Variants in MUSK observed in about 807,000 individuals in gnomAD.
MUSK encodes the protein muscle associated receptor tyrosine kinase.
A neutral mutation model predicts 88.7 loss-of-function variants in MUSK; 55 were observed. That is an observed-to-expected ratio of 0.62 (90% CI 0.50 to 0.78). MUSK has a LOEUF of 0.78. Ranked by LOEUF, MUSK falls within the 30% of genes least tolerant of loss-of-function variation. MUSK has a pLI of 0.00. For synonymous variants in MUSK, 387 were observed against 391.9 expected, an observed-to-expected ratio of 0.99 and a Z score of 0.15; for missense variants, 1,015 against 1,074.3, an observed-to-expected ratio of 0.94 and a Z score of 0.77.
At chr9:110,734,172 A>C in intron 5 of MUSK, 79 bp from the exon 6 acceptor site, 1 of 1,467,056 alleles carries the variant, frequency 6.8e-7, no homozygotes, top group South Asian at 1.3e-5. Context: ...AACATGGTCT[A>C]ATTTGCATTT....
chr9:110,687,026 C>T, intron 2 of MUSK, 91 bp from the exon 3 acceptor site: 3 of 1,295,572 alleles, frequency 2.3e-6, no homozygotes, highest in Non-Finnish European at 2.2e-6. Context: ...ATTCTACTTC[C>T]TCATTAACAA....
chr9:110,737,383 CT>C (rs2077043512), intron 6 of MUSK, among the ~76,000 whole-genome samples: 1 of 151,868 alleles, frequency 6.6e-6, no homozygotes, highest in Non-Finnish European at 1.5e-5. Context: ...ATTACATCCT[CT>C]TTTTGATGTC....
At chr9:110,778,066 G>A (rs988180203) in intron 11 of MUSK, among the ~76,000 whole-genome samples, 5 of 152,050 alleles carry the variant, frequency 3.3e-5, no homozygotes, top group African/African-American at 1.2e-4. Context: ...AAGACCTTAA[G>A]TATTTTCCAA....
chr9:110,787,976 C>T, intron 14 of MUSK, 138 bp downstream of exon 14: 1 of 958,950 alleles, frequency 1.0e-6, no homozygotes, highest in South Asian at 1.4e-5. Flanking sequence ...AGCTTCTTCA[C>T]CTTGGTCTAT....
intron 9 of MUSK, 39 bp from the exon 10 acceptor site, chr9:110,775,749 A>G: frequency 6.3e-7 from 1 of 1,588,652 alleles, no homozygotes; most frequent in Non-Finnish European, 8.6e-7. Flanking sequence ...TTTAACATGT[A>G]ATGATTCATC....
At chr9:110,687,021 A>C (rs2076204503) in intron 2 of MUSK, 96 bp from the exon 3 acceptor site, 3 of 1,227,948 alleles carry the variant, frequency 2.4e-6, no homozygotes, top group East Asian at 4.7e-5. Context: ...CCTTTATTCT[A>C]CTTCCTCATT....
rs553353820 is a variant in MUSK, at chr9:110,739,243, C to T, written c.753+4868C>T. ...AAGCTGTTATGATTATGGCTTATTG[C>T]AGGAAAAGGATATAGATTAAAATCA... On this transcript the variant is annotated intron_variant, in intron 6 of 14. Coordinates refer to ENST00000374448, the MANE Select transcript of MUSK (RefSeq NM_005592.4). Among the ~76,000 whole-genome samples, 5 of 152,240 alleles carry T rather than the reference C, an allele frequency of 3.3e-5. No individual in the cohort carries two copies. In the East Asian group the frequency reaches 9.7e-4, roughly 29 times the overall value.
intron 11 of MUSK, among the ~76,000 whole-genome samples, chr9:110,781,266 GTT>G (rs1393122604): frequency 1.3e-5 from 2 of 151,020 alleles, no homozygotes; most frequent in Non-Finnish European, 3.0e-5. Context: ...TTTTTGTTTT[GTT>G]TTGTTTTGTT....
intron 5 of MUSK, among the ~76,000 whole-genome samples, chr9:110,725,535 T>A (rs1021208660): frequency 3.9e-5 from 6 of 151,968 alleles, no homozygotes; most frequent in Admixed American, 3.9e-4. Flanking sequence ...AAATTATATC[T>A]CAGATTAGTC....
intron 1 of MUSK, among the ~76,000 whole-genome samples, chr9:110,672,788 T>A (rs1190123243): frequency 6.6e-6 from 1 of 152,142 alleles, no homozygotes; most frequent in Admixed American, 6.6e-5. Flanking sequence ...CATTGGGTCA[T>A]GTCAATCCAA....
rs369675399 is a variant in MUSK, at chr9:110,721,144, G to A, written c.629-13107G>A. 2.0e-5 allele frequency among the ~76,000 whole-genome samples: 3 copies of A among 152,110 alleles called. No individual in the cohort carries two copies. The South Asian group carries it at 6.2e-4, about 32-fold the overall frequency. On this transcript the variant is annotated intron_variant, in intron 5 of 14. Transcript: ENST00000374448. ...CCACAGCCAACGTTATACTGAATGG[G>A]GAAAAGCTGAAAGTGTTACCCCTGA...
chr9:110,682,811 C>T lies in MUSK; in HGVS notation c.206+11C>T, dbSNP rs2131656968. 1.9e-6 allele frequency: 3 copies of T among 1,605,800 alleles called. No homozygotes were observed. Among genetic ancestry groups the T allele is most frequent in the African/African-American group, 2.7e-5 (2 of 74,554 alleles). On this transcript the variant is annotated intron_variant, in intron 2 of 14. Transcript: ENST00000374448. ...TAAAATTCTCATTAAGTAAGTATTC[C>T]ACATTTTAATTTTTTTAAATTTTTG...
intron 14 of MUSK, among the ~76,000 whole-genome samples, chr9:110,797,303 T>G (rs975273709): frequency 3.3e-5 from 5 of 150,202 alleles, no homozygotes; most frequent in African/African-American, 1.2e-4. Context: ...AAAAAAAAAG[T>G]TTCAGTGGGG....
intron 6 of MUSK, among the ~76,000 whole-genome samples, chr9:110,747,038 G>C (rs182484342): frequency 1.5e-4 from 23 of 152,276 alleles, no homozygotes; most frequent in African/African-American, 5.3e-4. Flanking sequence ...GGTTATCTAT[G>C]GTTGTATCAC....
chr9:110,720,895 G>C (rs1405032157), intron 5 of MUSK, among the ~76,000 whole-genome samples: 1 of 152,002 alleles, frequency 6.6e-6, no homozygotes, highest in African/African-American at 2.4e-5. Flanking sequence ...AATCTACCAT[G>C]ATCAAGTGGG....
chr9:110,744,261 C>T (rs928336337), intron 6 of MUSK, among the ~76,000 whole-genome samples: 1 of 152,210 alleles, frequency 6.6e-6, no homozygotes, highest in Non-Finnish European at 1.5e-5. Context: ...GCCACTGCAC[C>T]CGGCCCTGGG....
chr9:110,756,798 G>A (rs2077330873), intron 7 of MUSK, among the ~76,000 whole-genome samples: 1 of 152,060 alleles, frequency 6.6e-6, no homozygotes, highest in Admixed American at 6.6e-5. Context: ...AAAGGTTGGG[G>A]TGATTGTGCC....
At chr9:110,707,168 G>A (rs4500149) in intron 5 of MUSK, among the ~76,000 whole-genome samples, 53,614 of 151,576 alleles carry the variant, frequency 0.35, 10,300 homozygotes, top group Non-Finnish European at 0.44. Context: ...TGGGTGACAT[G>A]GCAAAAACCT....
At chr9:110,732,795 C>A (rs1436591114) in intron 5 of MUSK, among the ~76,000 whole-genome samples, 3 of 151,968 alleles carry the variant, frequency 2.0e-5, no homozygotes, top group Non-Finnish European at 2.9e-5. Flanking sequence ...CATTTCTTTT[C>A]TCCTGGTTTT....
Sources: allele counts gnomAD v4.1 joint callset (sites outside exome capture counted in the v4.1 genomes callset), GRCh38; gene constraint gnomAD v4.1.1; transcripts MANE v1.5; gene names NCBI Gene and HGNC (gene_info 2026-07-23, HGNC 2026-07-21).